Variants in EYS observed in about 807,000 individuals in gnomAD.
EYS encodes the protein protein eyes shut homolog.
A neutral mutation model predicts 282.1 loss-of-function variants in EYS; 250 were observed. The observed-to-expected ratio is 0.89, with a 90% CI of 0.80 to 0.98. The LOEUF (loss-of-function observed/expected upper bound fraction) is 0.98. EYS is among the 50% of genes least tolerant of loss of function. EYS has a pLI of 0.00. For missense variants in EYS, 4,016 were observed against 3,709.0 expected (o/e 1.08, Z -2.15); for synonymous variants, 1,355 against 1,282.9 (o/e 1.06, Z -1.20).
intron 5 of EYS, among the ~76,000 whole-genome samples, chr6:65,440,245 ACAG>A (rs1768260666): frequency 6.6e-6 from 1 of 152,034 alleles, no homozygotes; most frequent in Non-Finnish European, 1.5e-5. Context: ...TGCTCACTGG[ACAG>A]GGCCTTCTAT....
intron 22 of EYS, among the ~76,000 whole-genome samples, chr6:64,628,570 C>T (rs1303253698): frequency 6.6e-6 from 1 of 152,004 alleles, no homozygotes; most frequent in Admixed American, 6.6e-5. Context: ...ATCACACCTG[C>T]CTAATTTTTG....
chr6:65,494,280 T>A (rs1395535005), intron 4 of EYS, among the ~76,000 whole-genome samples: 1 of 151,548 alleles, frequency 6.6e-6, no homozygotes, highest in African/African-American at 2.4e-5. Flanking sequence ...ATTTTATTTT[T>A]ATTTTTATCT....
chr6:64,375,242 G>A (rs1237470634), intron 29 of EYS, among the ~76,000 whole-genome samples: 1 of 152,118 alleles, frequency 6.6e-6, no homozygotes, highest in African/African-American at 2.4e-5. Context: ...AATATGTATG[G>A]CAAGCAAAGA....
At chr6:65,248,896 T>C (rs1482816927) in intron 12 of EYS, among the ~76,000 whole-genome samples, 1 of 151,978 alleles carries the variant, frequency 6.6e-6, no homozygotes, top group Non-Finnish European at 1.5e-5. Flanking sequence ...CAAGTTATCC[T>C]GAAGAAGAAT....
chr6:65,060,782 GTATA>G (rs3065332), intron 12 of EYS, among the ~76,000 whole-genome samples: 17,240 of 143,682 alleles, frequency 0.12, 1,245 homozygotes, highest in Middle Eastern at 0.2. Context: ...ATATATATGT[GTATA>G]TATATATATA....
chr6:64,275,651 C>T (rs1009667685), intron 30 of EYS, among the ~76,000 whole-genome samples: 2 of 150,942 alleles, frequency 1.3e-5, no homozygotes, highest in African/African-American at 4.9e-5. Flanking sequence ...CTCCTGAACT[C>T]GTGATCTGTG....
At chr6:64,914,355 C>T (rs900562947) in intron 15 of EYS, among the ~76,000 whole-genome samples, 1 of 151,996 alleles carries the variant, frequency 6.6e-6, no homozygotes, top group Non-Finnish European at 1.5e-5. Flanking sequence ...ATGAAACAAG[C>T]ACAGGAAATA....
chr6:64,226,501 C>T lies in EYS; in HGVS notation c.6424+4091G>A, dbSNP rs201160607. On this transcript the variant is annotated intron_variant, in intron 31 of 42. Coordinates refer to ENST00000503581, the MANE Select transcript of EYS (RefSeq NM_001142800.2). ...CTTATAATTAATAGTCAGAGGCATA[C>T]GCTTTTCCCCAACACAAGGCACTGA... Among the ~76,000 whole-genome samples, 5 of 152,182 alleles carry T rather than the reference C, an allele frequency of 3.3e-5. No individual in the cohort carries two copies. The South Asian group carries it at 8.3e-4, about 25-fold the overall frequency.
At position 65,297,340 on chromosome 6, in the gene EYS, A is replaced by G. The variant is rs367789307; in HGVS notation, c.1767-1221T>C. Among the ~76,000 whole-genome samples the G allele has an allele frequency of 6.6e-5, 10 of 151,916 alleles. No individual in the cohort carries two copies. In the East Asian group the frequency reaches 1.5e-3, roughly 23 times the overall value. ...ACTTTGCTTGTTATTATTAATAAAA[A>G]TTAACCTACTGAACCTAAGTCATTA... On this transcript the variant is annotated intron_variant, in intron 11 of 42. Coordinates refer to ENST00000503581, the MANE Select transcript of EYS (RefSeq NM_001142800.2).
intron 11 of EYS, chr6:65,330,961 C>T (rs1188420355): frequency 1.0e-6 from 1 of 984,184 alleles, no homozygotes; most frequent in Non-Finnish European, 1.2e-6. Flanking sequence ...AGCCAAATTT[C>T]TCATATATTG....
intron 26 of EYS, among the ~76,000 whole-genome samples, chr6:64,451,520 T>C (rs1479689743): frequency 6.6e-6 from 1 of 152,126 alleles, no homozygotes; most frequent in Non-Finnish European, 1.5e-5. Context: ...GAGGCCAGCA[T>C]CAACCTGATA....
At chr6:64,670,337 G>A (rs927276734) in intron 22 of EYS, among the ~76,000 whole-genome samples, 1 of 151,546 alleles carries the variant, frequency 6.6e-6, no homozygotes, top group Non-Finnish European at 1.5e-5. Flanking sequence ...AGCCTTGAAC[G>A]AAGTCTACAT....
intron 23 of EYS, among the ~76,000 whole-genome samples, chr6:64,618,221 T>C (rs989933627): frequency 6.6e-6 from 1 of 152,186 alleles, no homozygotes; most frequent in Non-Finnish European, 1.5e-5. Context: ...CCAACATTGC[T>C]AAGTATTCCA....
chr6:65,482,762 C>T (rs1181838288), intron 5 of EYS, among the ~76,000 whole-genome samples: 2 of 152,164 alleles, frequency 1.3e-5, no homozygotes, highest in African/African-American at 4.8e-5. Context: ...CATTGAATGC[C>T]ATTGCAAAAC....
chr6:64,686,843 A>ATATATATATGTGTGTATATATATACGTG (rs1562134014), intron 22 of EYS, among the ~76,000 whole-genome samples: 1 of 41,040 alleles, frequency 2.4e-5, no homozygotes, highest in Non-Finnish European at 5.9e-5. Flanking sequence ...ATATACGTGT[A>ATATATATATGTGTGTATATATATACGTG]TATATATATA....
chr6:64,208,158 G>A (rs896953064), intron 31 of EYS, among the ~76,000 whole-genome samples: 2 of 152,068 alleles, frequency 1.3e-5, no homozygotes, highest in Non-Finnish European at 2.9e-5. Context: ...CAGCATTATC[G>A]TTCATGTGTT....
intron 12 of EYS, among the ~76,000 whole-genome samples, chr6:65,280,281 C>G (rs926544289): frequency 1.3e-5 from 2 of 152,130 alleles, no homozygotes; most frequent in African/African-American, 4.8e-5. Flanking sequence ...CTGCCATCGA[C>G]GCCACCTCCA....
intron 35 of EYS, among the ~76,000 whole-genome samples, chr6:63,926,741 T>G (rs1029477396): frequency 6.6e-6 from 1 of 152,226 alleles, no homozygotes; most frequent in Non-Finnish European, 1.5e-5. Flanking sequence ...TAATGGTACT[T>G]CTGCTTATAA....
At chr6:63,895,246 ATT>A (rs56246947) in intron 35 of EYS, among the ~76,000 whole-genome samples, 135,736 of 151,904 alleles carry the variant, frequency 0.89, 61,138 homozygotes, top group Non-Finnish European at 0.95. Context: ...CAATGATTTC[ATT>A]TTTTTTTCAG....
Sources: allele counts gnomAD v4.1 joint callset (sites outside exome capture counted in the v4.1 genomes callset), GRCh38; gene constraint gnomAD v4.1.1; transcripts MANE v1.5; gene names NCBI Gene and HGNC (gene_info 2026-07-23, HGNC 2026-07-21).